The following NMNAT2 variants were observed in gnomAD, a reference collection of about 807,000 sequenced individuals.
The protein encoded by NMNAT2 is nicotinamide nucleotide adenylyltransferase 2.
In NMNAT2, 11 loss-of-function variants were observed where a neutral mutation model predicts 41.6. The observed-to-expected ratio is 0.26, with a 90% CI of 0.17 to 0.44. The LOEUF is 0.44. Among genes scored for constraint, NMNAT2 ranks in the 20% least tolerant of loss-of-function variants. NMNAT2 has a pLI of 1.00. For synonymous variants in NMNAT2, 148 were observed against 151.2 expected (o/e 0.98, Z 0.16); for missense variants, 288 against 407.7 (o/e 0.71, Z 2.53).
intron 1 of NMNAT2, among the ~76,000 whole-genome samples, chr1:183,379,047 AATATCTATATCTATATCTATATCT>A (rs71127348): frequency 7.2e-6 from 1 of 139,762 alleles, no homozygotes; most frequent in African/African-American, 2.6e-5. Context: ...TGTCTCAAAA[AATATCTATATCTATATCTATATCT>A]ATATCTATAT....
At chr1:183,323,151 C>T (rs76919668) in intron 1 of NMNAT2, among the ~76,000 whole-genome samples, 7 of 152,118 alleles carry the variant, frequency 4.6e-5, no homozygotes, top group Non-Finnish European at 8.8e-5. Context: ...AGGCTGGTCT[C>T]GAACTCCTGA....
chr1:183,397,300 C>T (rs1557899724), intron 1 of NMNAT2, among the ~76,000 whole-genome samples: 1 of 151,810 alleles, frequency 6.6e-6, no homozygotes. Flanking sequence ...CACAAGTTAC[C>T]TAACGGGTAT....
intron 10 of NMNAT2, among the ~76,000 whole-genome samples, chr1:183,253,904 C>CGTGTGTGTGTGTGTGTGT (rs139756017): frequency 3.5e-5 from 5 of 144,270 alleles, no homozygotes; most frequent in Non-Finnish European, 6.1e-5. Context: ...GTTCCACTTC[C>CGTGTGTGTGTGTGTGTGT]GTGTGTGTGT....
intron 8 of NMNAT2, chr1:183,267,209 G>GGA (rs1256400978): frequency 6.6e-6 from 1 of 152,282 alleles, no homozygotes; most frequent in Non-Finnish European, 1.5e-5. Context: ...AACCACTGGG[G>GGA]GAGAGACAGG....
At chr1:183,344,199 A>G (rs1284428811) in intron 1 of NMNAT2, among the ~76,000 whole-genome samples, 1 of 152,212 alleles carries the variant, frequency 6.6e-6, no homozygotes. Context: ...ATTATGTGTT[A>G]GCACTGTGCT....
intron 1 of NMNAT2, among the ~76,000 whole-genome samples, chr1:183,322,659 C>A (rs1053501771): frequency 3.3e-5 from 5 of 152,170 alleles, no homozygotes; most frequent in African/African-American, 1.2e-4. Flanking sequence ...GTCCCAATGG[C>A]CCCTCAATAA....
At chr1:183,416,389 T>C (rs2101935052) in intron 1 of NMNAT2, among the ~76,000 whole-genome samples, 1 of 152,208 alleles carries the variant, frequency 6.6e-6, no homozygotes, top group East Asian at 1.9e-4. Flanking sequence ...CATTGCCTGG[T>C]CAAGGGAGAG....
intron 5 of NMNAT2, 83 bp from the exon 6 acceptor site, chr1:183,284,873 C>T: frequency 9.0e-7 from 1 of 1,107,852 alleles, no homozygotes; most frequent in Non-Finnish European, 1.4e-6. Flanking sequence ...GGCATTGGGG[C>T]CGCTGTAAAC....
chr1:183,270,083 A>C (rs2102289531), intron 8 of NMNAT2, among the ~76,000 whole-genome samples: 1 of 152,224 alleles, frequency 6.6e-6, no homozygotes, highest in East Asian at 1.9e-4. Flanking sequence ...ACGGGGTTTC[A>C]CTGTGTTAGC....
At chr1:183,369,109 C>G (rs1416524734) in intron 1 of NMNAT2, among the ~76,000 whole-genome samples, 1 of 152,156 alleles carries the variant, frequency 6.6e-6, no homozygotes, top group African/African-American at 2.4e-5. Flanking sequence ...CAGGACTTCT[C>G]TGGAAGAGAT....
intron 8 of NMNAT2, among the ~76,000 whole-genome samples, chr1:183,264,262 A>G (rs146019922): frequency 6.6e-6 from 1 of 152,212 alleles, no homozygotes; most frequent in Non-Finnish European, 1.5e-5. Context: ...AGCAGTCCTC[A>G]TGGGGGAATC....
intron 1 of NMNAT2, among the ~76,000 whole-genome samples, chr1:183,329,112 T>A (rs1662527365): frequency 6.6e-6 from 1 of 152,154 alleles, no homozygotes; most frequent in Non-Finnish European, 1.5e-5. Flanking sequence ...AAATCAGGGT[T>A]CCTAGCCTCC....
At chr1:183,287,267 C>A (rs868128480) in intron 4 of NMNAT2, among the ~76,000 whole-genome samples, 1 of 152,102 alleles carries the variant, frequency 6.6e-6, no homozygotes, top group Non-Finnish European at 1.5e-5. Flanking sequence ...CAAATGAGAT[C>A]ATGTCTGCAA....
chr1:183,278,285 AC>A (rs1275477480), intron 8 of NMNAT2, among the ~76,000 whole-genome samples: 1 of 152,058 alleles, frequency 6.6e-6, no homozygotes, highest in Non-Finnish European at 1.5e-5. Flanking sequence ...ACACATGCAT[AC>A]CCCAGCACTA....
chr1:183,361,166 C>A (rs550656272), intron 1 of NMNAT2, among the ~76,000 whole-genome samples: 12 of 152,308 alleles, frequency 7.9e-5, no homozygotes, highest in African/African-American at 2.4e-4. Flanking sequence ...TAAATTGACA[C>A]AACATTCCCA....
At chr1:183,379,215 C>T in intron 1 of NMNAT2, among the ~76,000 whole-genome samples, 1 of 152,100 alleles carries the variant, frequency 6.6e-6, no homozygotes, top group East Asian at 1.9e-4. Context: ...ATATCTCGCT[C>T]TGTCACCCAG....
At chr1:183,304,841 T>C (rs990795169) in intron 1 of NMNAT2, 3 of 1,589,630 alleles carry the variant, frequency 1.9e-6, no homozygotes, top group Non-Finnish European at 2.6e-6. Flanking sequence ...CTGATCTTGT[T>C]TGCTCCACTA....
rs1182271479 is a variant in NMNAT2, at chr1:183,286,678, G to A, written c.432C>T (p.Ala144=). The A allele has an allele frequency of 1.2e-6, 2 of 1,610,324 alleles. No individual in the cohort carries two copies. Among genetic ancestry groups the A allele is most frequent in the Non-Finnish European group, 1.7e-6 (2 of 1,178,286 alleles). ...PQPIYQNSNV[A]TKPTAAKILG... Reference sequence around the variant, plus strand: ...TTCCCCTACCTGCAGTGGGCTTGGTGGCCACGTTGCTGTTCTGGTAAATGG... The same window carrying A: ...TTCCCCTACCTGCAGTGGGCTTGGTAGCCACGTTGCTGTTCTGGTAAATGG... Residue 144 remains alanine, a synonymous_variant, in exon 5 of 11, where the codon GCC becomes GCT. Transcript: ENST00000287713.
intron 1 of NMNAT2, among the ~76,000 whole-genome samples, chr1:183,383,764 T>C (rs1222054982): frequency 1.3e-5 from 2 of 152,200 alleles, no homozygotes; most frequent in Non-Finnish European, 2.9e-5. Context: ...CTCATCTCCA[T>C]CTGAGATCTC....
Sources: gnomAD v4.1 joint callset for allele counts (sites outside exome capture counted in the v4.1 genomes callset) on GRCh38, gnomAD v4.1.1 for gene constraint, MANE v1.5 for transcripts, NCBI Gene and HGNC (gene_info 2026-07-23, HGNC 2026-07-21) for gene names.